The following SPOCK3 variants were observed in gnomAD, a reference collection of about 807,000 sequenced individuals.
SPOCK3 encodes testican-3.
A neutral mutation model predicts 56.6 loss-of-function variants in SPOCK3; 30 were observed. The observed-to-expected ratio is 0.53, with a 90% confidence interval of 0.40 to 0.72. The LOEUF is 0.72. Ranked by LOEUF, SPOCK3 falls within the 30% of genes least tolerant of loss-of-function variation. The pLI is 0.00. For synonymous variants in SPOCK3, 196 were observed against 183.3 expected (o/e 1.07, Z -0.56); for missense variants, 527 against 530.0 (o/e 0.99, Z 0.06).
At chr4:167,003,439 C>T (rs1301470841) in intron 3 of SPOCK3, among the ~76,000 whole-genome samples, 1 of 152,138 alleles carries the variant, frequency 6.6e-6, no homozygotes, top group Non-Finnish European at 1.5e-5. Context: ...CAAAACATTA[C>T]ACACTGTAAA....
At chr4:167,091,402 T>A (rs548498103) in intron 2 of SPOCK3, among the ~76,000 whole-genome samples, 2 of 152,314 alleles carry the variant, frequency 1.3e-5, no homozygotes, top group Admixed American at 1.3e-4. Context: ...AAATTATTAA[T>A]TATGTGACAA....
chr4:166,795,399 C>T (rs1170834013), intron 6 of SPOCK3, among the ~76,000 whole-genome samples: 1 of 152,122 alleles, frequency 6.6e-6, no homozygotes, highest in Non-Finnish European at 1.5e-5. Flanking sequence ...ATTTCAGGAA[C>T]ATTTCAGTAA....
Position 166,905,504 on chromosome 4 carries a change from C to T in SPOCK3, c.474+7116G>A, listed in dbSNP as rs897569397. Among the ~76,000 whole-genome samples the T allele has an allele frequency of 2.0e-5, 3 of 151,896 alleles. No individual in the cohort carries two copies. In the South Asian group the frequency reaches 6.2e-4, roughly 31 times the overall value. ...AAAACTTAATTAACACGGGCTTAAG[C>T]ACTATTAAAACTTTTCTTTTTTTAC... On this transcript the variant is annotated intron_variant, in intron 5 of 10. Coordinates refer to ENST00000357545, the MANE Select transcript of SPOCK3 (RefSeq NM_001040159.2).
At chr4:167,102,911 T>C (rs1422401177) in intron 2 of SPOCK3, among the ~76,000 whole-genome samples, 3 of 83,988 alleles carry the variant, frequency 3.6e-5, no homozygotes, top group Non-Finnish European at 6.5e-5. Context: ...CACCAGGCAA[T>C]ATAGCTTGCA....
chr4:166,842,824 C>T (rs895832538), intron 6 of SPOCK3, among the ~76,000 whole-genome samples: 6 of 152,336 alleles, frequency 3.9e-5, no homozygotes, highest in South Asian at 2.1e-4. Flanking sequence ...CTGCCAGTCC[C>T]GCACTGCCGG....
intron 6 of SPOCK3, among the ~76,000 whole-genome samples, chr4:166,856,804 C>CTATCTATCTATCTATCTAGA (rs752760074): frequency 6.0e-5 from 9 of 150,158 alleles, no homozygotes; most frequent in African/African-American, 2.0e-4. Flanking sequence ...ATCTATCTAT[C>CTATCTATCTATCTATCTAGA]TATCTAGATA....
intron 2 of SPOCK3, among the ~76,000 whole-genome samples, chr4:167,078,608 T>A (rs1757423091): frequency 6.6e-6 from 1 of 151,134 alleles, no homozygotes; most frequent in South Asian, 2.1e-4. Context: ...CTAGAGAGAG[T>A]TCAGGTATTA....
rs117906163 is a variant in SPOCK3 at position 166,826,431 on chromosome 4, C to G, written c.590-34142G>C. On this transcript the variant is annotated intron_variant, in intron 6 of 10. Coordinates refer to ENST00000357545, the MANE Select transcript of SPOCK3 (RefSeq NM_001040159.2). ...AGAATATGATAATTTAATAGACTGT[C>G]AAATCAAAATTTATTTATTCATTCA... Among the ~76,000 whole-genome samples the G allele has an allele frequency of 2.8e-4, 43 of 152,140 alleles. No homozygotes were observed. The East Asian group carries it at 8.3e-3, about 29-fold the overall frequency.
At chr4:166,887,521 A>T (rs1734325298) in intron 6 of SPOCK3, among the ~76,000 whole-genome samples, 1 of 152,134 alleles carries the variant, frequency 6.6e-6, no homozygotes, top group African/African-American at 2.4e-5. Context: ...AGGCACAAAC[A>T]TCAAAGAATT....
intron 2 of SPOCK3, among the ~76,000 whole-genome samples, chr4:167,097,490 G>T (rs908839449): frequency 3.3e-5 from 5 of 151,652 alleles, no homozygotes; most frequent in African/African-American, 9.7e-5. Flanking sequence ...GAGTCTTATG[G>T]GTGTCATGGT....
intron 7 of SPOCK3, among the ~76,000 whole-genome samples, chr4:166,768,778 G>A (rs897667943): frequency 6.6e-6 from 1 of 152,198 alleles, no homozygotes; most frequent in East Asian, 1.9e-4. Context: ...ATCCTGCAGA[G>A]TGTTTTCCAA....
intron 2 of SPOCK3, among the ~76,000 whole-genome samples, chr4:167,088,745 G>T (rs559544523): frequency 7.8e-4 from 118 of 152,152 alleles, no homozygotes; most frequent in Admixed American, 1.6e-3. Context: ...TTACAGGCGT[G>T]AGCCACCATG....
At chr4:167,074,924 T>C (rs1757036547) in intron 2 of SPOCK3, among the ~76,000 whole-genome samples, 1 of 151,970 alleles carries the variant, frequency 6.6e-6, no homozygotes, top group Non-Finnish European at 1.5e-5. Context: ...TGATACAAAT[T>C]TACAATGTGT....
intron 2 of SPOCK3, among the ~76,000 whole-genome samples, chr4:167,207,939 T>C (rs973931520): frequency 2.0e-5 from 3 of 152,150 alleles, no homozygotes; most frequent in Non-Finnish European, 2.9e-5. Context: ...ATGCTTTTCA[T>C]TACATGACAA....
At chr4:166,912,115 G>T (rs186679163) in intron 5 of SPOCK3, among the ~76,000 whole-genome samples, 1 of 152,140 alleles carries the variant, frequency 6.6e-6, no homozygotes, top group East Asian at 1.9e-4. Context: ...GAGAGCAAAG[G>T]CATTGAATCA....
intron 2 of SPOCK3, among the ~76,000 whole-genome samples, chr4:167,101,890 G>GTTTTTTT (rs1296223948): frequency 7.0e-6 from 1 of 142,742 alleles, no homozygotes; most frequent in African/African-American, 2.6e-5. Context: ...GCCAGGCTGA[G>GTTTTTTT]TTTTTTTTTT....
intron 4 of SPOCK3, among the ~76,000 whole-genome samples, chr4:166,948,098 G>T (rs1299959153): frequency 2.0e-5 from 3 of 152,060 alleles, no homozygotes; most frequent in African/African-American, 7.2e-5. Flanking sequence ...GTTCACATAT[G>T]AGTGAGAACA....
At chr4:166,978,876 GA>G (rs1377601974) in intron 4 of SPOCK3, among the ~76,000 whole-genome samples, 1 of 152,136 alleles carries the variant, frequency 6.6e-6, no homozygotes, top group Admixed American at 6.5e-5. Context: ...GAAATGTTCA[GA>G]AGACATCAAA....
intron 4 of SPOCK3, among the ~76,000 whole-genome samples, chr4:166,994,832 C>G (rs1748183679): frequency 6.6e-6 from 1 of 151,988 alleles, no homozygotes; most frequent in South Asian, 2.1e-4. Flanking sequence ...ATACTATGCT[C>G]CCTTCAGGGT....
Sources: allele counts gnomAD v4.1 joint callset (sites outside exome capture counted in the v4.1 genomes callset), GRCh38; gene constraint gnomAD v4.1.1; transcripts MANE v1.5; gene names NCBI Gene and HGNC (gene_info 2026-07-23, HGNC 2026-07-21).